The following TDP2 variants were observed in gnomAD, a reference collection of about 807,000 sequenced individuals.
The protein encoded by TDP2 is 5'-Tyr-DNA phosphodiesterase.
In TDP2, 38 loss-of-function variants were observed where a neutral mutation model predicts 42.8. The observed-to-expected ratio is 0.89, with a 90% CI of 0.68 to 1.16. The LOEUF is 1.16. TDP2 is among the 50% of genes most tolerant of loss of function. The pLI is 0.00. For missense variants in TDP2, 439 were observed against 439.3 expected (o/e 1.00, Z 0.01); for synonymous variants, 173 against 150.6 (o/e 1.15, Z -1.09).
chr6:24,654,293 G>C (rs570248666), intron 5 of TDP2, 119 bp downstream of exon 5: 1 of 517,508 alleles, frequency 1.9e-6, no homozygotes, highest in South Asian at 3.0e-5. Flanking sequence ...CTATCTAAAA[G>C]AATCTACATG....
chr6:24,662,426 A>G (rs935215251), intron 2 of TDP2, among the ~76,000 whole-genome samples: 5 of 151,844 alleles, frequency 3.3e-5, no homozygotes, highest in Admixed American at 2.6e-4. Context: ...CGGCAATACT[A>G]CTCTTTATTG....
Position 24,666,534 on chromosome 6 carries a change from G to C in TDP2, c.243C>G (p.Pro81=), listed in dbSNP as rs370904533. The change falls in exon 2 of 7, where the codon CCC becomes CCG. Residue 81 remains proline (P), a synonymous_variant. Coordinates refer to ENST00000378198, the MANE Select transcript of TDP2 (RefSeq NM_016614.3). ...LERRPETISE[P]KTYVDLTNEE... Reference sequence around the variant, plus strand: ...CTCCCCTCATCACTTACTAGGTCTTGGGCTCAGAGATGGTTTCAGGTCGGC... The same window carrying C: ...CTCCCCTCATCACTTACTAGGTCTTCGGCTCAGAGATGGTTTCAGGTCGGC... 9.9e-5 allele frequency: 159 copies of C among 1,613,928 alleles called. No homozygotes were observed. The highest frequency in any genetic ancestry group is 1.3e-4 in the Non-Finnish European group (154 of 1,179,920).
At chr6:24,651,575 A>G (rs1777975740) in intron 6 of TDP2, among the ~76,000 whole-genome samples, 1 of 150,784 alleles carries the variant, frequency 6.6e-6, no homozygotes, top group Non-Finnish European at 1.5e-5. Flanking sequence ...TACACAATAC[A>G]AGATTTATCA....
chr6:24,659,054 A>G (rs924598092), intron 2 of TDP2: 1 of 199,214 alleles, frequency 5.0e-6, no homozygotes. Flanking sequence ...AGCATTGCTT[A>G]AGATGTTTTT....
chr6:24,658,682 G>C lies in TDP2; in HGVS notation c.304C>G (p.Pro102Ala). 1 of 1,613,872 alleles carries C rather than the reference G, an allele frequency of 6.2e-7. No individual in the cohort carries two copies. The highest frequency in any genetic ancestry group is 8.5e-7 in the Non-Finnish European group (1 of 1,179,818). The change falls in exon 3 of 7, where the codon CCA becomes GCA. Residue 102 changes from proline to alanine, a missense_variant. By Grantham distance (27) the Pro-to-Ala change is conservative. Coordinates refer to ENST00000378198, the MANE Select transcript of TDP2 (RefSeq NM_016614.3). ...TTDSTTSKISPSEDTQQENGS... is the reference protein window; with the variant it reads ...TTDSTTSKISASEDTQQENGS... ...TTTTCTTGCTGAGTATCTTCAGATG[G>C]GCTGATTTTAGAAGTGGTGGAATCA...
In TDP2 at chr6:24,650,164, G is replaced by A. The variant is rs984273023; in HGVS notation, c.*624C>T. Reference sequence around the variant, plus strand: ...AAATGTCCCATGGTGCTATCAAACCGATTTTAACCATCATCAAGCTTAACT... The same window carrying A: ...AAATGTCCCATGGTGCTATCAAACCAATTTTAACCATCATCAAGCTTAACT... On this transcript the variant is annotated 3_prime_UTR_variant, in exon 7 of 7. Coordinates refer to ENST00000378198, the MANE Select transcript of TDP2 (RefSeq NM_016614.3). The A allele has an allele frequency of 6.6e-6, 1 of 152,130 alleles. No individual in the cohort carries two copies. The highest frequency in any genetic ancestry group is 2.4e-5 in the African/African-American group (1 of 41,418). The allele number at this position is 152,130 out of a possible 1,614,324, so 9.4% of individuals were successfully genotyped here.
At chr6:24,652,829 C>T (rs1259660782) in intron 6 of TDP2, 154 bp downstream of exon 6, 1 of 785,072 alleles carries the variant, frequency 1.3e-6, no homozygotes, top group African/African-American at 1.7e-5. Context: ...AGGCATACAG[C>T]ATAGGCTAAA....
In TDP2 at chr6:24,666,629, A is replaced by G; in HGVS notation, c.166-18T>C. 1 of 1,614,196 alleles carries G rather than the reference A, an allele frequency of 6.2e-7. No individual in the cohort carries two copies. Among genetic ancestry groups the G allele is most frequent in the Non-Finnish European group, 8.5e-7 (1 of 1,180,010 alleles). ...AGAGCCCTCTGAAAAACAAAGGCAC[A>G]AGGGATGAGGTTTGTGCGCTCCACC... On this transcript the variant is annotated intron_variant, in intron 1 of 6. Coordinates refer to ENST00000378198, the MANE Select transcript of TDP2 (RefSeq NM_016614.3).
intron 2 of TDP2, among the ~76,000 whole-genome samples, chr6:24,660,087 T>G (rs2127618210): frequency 6.6e-6 from 1 of 152,320 alleles, no homozygotes; most frequent in East Asian, 1.9e-4. Flanking sequence ...GTGTCTGAAT[T>G]TATAATTTTA....
At chr6:24,660,266 C>T (rs1283097716) in intron 2 of TDP2, among the ~76,000 whole-genome samples, 2 of 152,102 alleles carry the variant, frequency 1.3e-5, no homozygotes, top group African/African-American at 4.8e-5. Flanking sequence ...CAGTTATGCA[C>T]CACATTTGGA....
chr6:24,666,167 A>C (rs543992456), intron 2 of TDP2: 1 of 1,550,578 alleles, frequency 6.4e-7, no homozygotes, highest in Non-Finnish European at 8.7e-7. Context: ...TAAACAATAC[A>C]GGAAGCAAGG....
At chr6:24,663,866 A>G (rs573902272) in intron 2 of TDP2, among the ~76,000 whole-genome samples, 2 of 152,346 alleles carry the variant, frequency 1.3e-5, no homozygotes, top group Admixed American at 1.3e-4. Flanking sequence ...TAATACAAAT[A>G]TCTCTGCAAT....
chr6:24,662,425 T>C (rs547221461), intron 2 of TDP2, among the ~76,000 whole-genome samples: 5 of 152,208 alleles, frequency 3.3e-5, no homozygotes, highest in African/African-American at 1.2e-4. Context: ...GCGGCAATAC[T>C]ACTCTTTATT....
chr6:24,658,475 G>T, intron 3 of TDP2, 86 bp downstream of exon 3: 2 of 1,091,914 alleles, frequency 1.8e-6, no homozygotes, highest in Non-Finnish European at 1.3e-6. Flanking sequence ...TTGAACTTAG[G>T]TTTAATTCTA....
chr6:24,666,710 G>T lies in TDP2; in HGVS notation c.153C>A (p.Asp51Glu). 6.2e-7 allele frequency: 1 copy of T among 1,614,264 alleles called. No individual in the cohort carries two copies. Among genetic ancestry groups the T allele is most frequent in the Non-Finnish European group, 8.5e-7 (1 of 1,180,040 alleles). Residue 51 changes from aspartate to glutamate, a missense_variant, in exon 1 of 7, where the codon GAC (aspartate) becomes GAA (glutamate). By Grantham distance (45) the Asp-to-Glu change is conservative (BLOSUM62 2). Coordinates refer to ENST00000378198, the MANE Select transcript of TDP2 (RefSeq NM_016614.3). ...AGCGAAAGCGTACTTCCATCTCCCA[G>T]TCGTTCTCGGCCAGGAAGCACTGAG... ...AVAQCFLAEN[D>E]WEMERALNSY...
At chr6:24,662,096 C>T (rs576267666) in intron 2 of TDP2, among the ~76,000 whole-genome samples, 22 of 152,226 alleles carry the variant, frequency 1.4e-4, no homozygotes, top group African/African-American at 5.3e-4. Flanking sequence ...TACCCAGGGA[C>T]ACAATGCACT....
chr6:24,665,092 A>T (rs1778208818), intron 2 of TDP2, among the ~76,000 whole-genome samples: 1 of 152,216 alleles, frequency 6.6e-6, no homozygotes, highest in Admixed American at 6.5e-5. Flanking sequence ...CTGGTACAGA[A>T]ATACAGCCAT....
At chr6:24,654,866 C>G (rs1317641142) in intron 4 of TDP2, among the ~76,000 whole-genome samples, 3 of 152,052 alleles carry the variant, frequency 2.0e-5, no homozygotes, top group African/African-American at 7.2e-5. Context: ...AATGGAGAAA[C>G]CCTGCCTCTA....
Position 24,651,043 on chromosome 6 carries a change from G to A in TDP2, c.834C>T (p.Asn278=). Residue 278 remains asparagine (N), a synonymous_variant, in exon 7 of 7, where the codon AAC becomes AAT. Coordinates refer to ENST00000378198, the MANE Select transcript of TDP2 (RefSeq NM_016614.3). Reference sequence around the variant, plus strand: ...AAAACTCCCAGACATCCACAATGTTGTTGGGTAAACCACCACATCTGGTAA... The same window carrying A: ...AAAACTCCCAGACATCCACAATGTTATTGGGTAAACCACCACATCTGGTAA... ...REVTRCGGLP[N]NIVDVWEFLG... 7.4e-6 allele frequency: 12 copies of A among 1,611,690 alleles called. No individual in the cohort carries two copies. Among genetic ancestry groups the A allele is most frequent in the Non-Finnish European group, 1.0e-5 (12 of 1,179,414 alleles).
Sources: allele counts gnomAD v4.1 joint callset (sites outside exome capture counted in the v4.1 genomes callset), GRCh38; gene constraint gnomAD v4.1.1; transcripts MANE v1.5; gene names NCBI Gene and HGNC (gene_info 2026-07-23, HGNC 2026-07-21).